The following PCNX1 variants were observed in gnomAD, a reference collection of about 807,000 sequenced individuals.
PCNX1 encodes the protein pecanex-like protein 1.
PCNX1 carries 78 observed loss-of-function variants against 242.2 expected under a neutral mutation model. The observed-to-expected ratio is 0.32, with a 90% CI of 0.27 to 0.39. The LOEUF (loss-of-function observed/expected upper bound fraction) is 0.39. PCNX1 is among the 10% of genes least tolerant of loss of function. PCNX1 has a pLI of 1.00. For synonymous variants in PCNX1, 1,024 were observed against 1,032.9 expected (o/e 0.99, Z 0.17); for missense variants, 2,581 against 2,856.5 (o/e 0.90, Z 2.20).
intron 6 of PCNX1, among the ~76,000 whole-genome samples, chr14:70,981,733 A>G (rs942829035): frequency 6.6e-6 from 1 of 152,244 alleles, no homozygotes; most frequent in Non-Finnish European, 1.5e-5. Flanking sequence ...TAGAAGCTAT[A>G]TGGTAGAAAA....
Position 71,102,139 on chromosome 14 carries a change from G to A in PCNX1, c.5739G>A (p.Leu1913=). ...CCAACTCTCCCTCCTTGCTTGCTCT[G>A]CGGCATGTCATGGATGATGGCACCA... ...VLANSPSLLA[L]RHVMDDGTNE... is the part of the protein sequence containing the mutation. Residue 1913 remains leucine, a synonymous_variant, in exon 31 of 36, where the codon CTG becomes CTA. Transcript: ENST00000304743. 6.2e-7 allele frequency: 1 copy of A among 1,614,048 alleles called. No homozygotes were observed. The highest frequency in any genetic ancestry group is 1.3e-5 in the African/African-American group (1 of 74,994).
intron 6 of PCNX1, among the ~76,000 whole-genome samples, chr14:70,980,922 C>T (rs372675059): frequency 1.5e-4 from 23 of 151,986 alleles, no homozygotes; most frequent in African/African-American, 3.9e-4. Context: ...AGTTCTCCAA[C>T]GATTTCTTTT....
At chr14:71,066,760 CTTA>C (rs2061457631) in intron 26 of PCNX1, among the ~76,000 whole-genome samples, 4 of 152,060 alleles carry the variant, frequency 2.6e-5, no homozygotes, top group Non-Finnish European at 5.9e-5. Flanking sequence ...ATAAATAGCT[CTTA>C]TTATTTTGAG....
At chr14:71,102,847 TATA>T (rs2062499995) in intron 31 of PCNX1, among the ~76,000 whole-genome samples, 1 of 152,212 alleles carries the variant, frequency 6.6e-6, no homozygotes, top group Admixed American at 6.5e-5. Context: ...ATATTGCTAA[TATA>T]ATATGATTCT....
At chr14:71,098,102 A>G (rs1191435282) in intron 30 of PCNX1, among the ~76,000 whole-genome samples, 1 of 152,130 alleles carries the variant, frequency 6.6e-6, no homozygotes, top group Non-Finnish European at 1.5e-5. Flanking sequence ...CTGTAGGTGT[A>G]CAGCTTTATT....
At chr14:71,068,428 GTATATATGTA>G (rs2061504015) in intron 26 of PCNX1, among the ~76,000 whole-genome samples, 1 of 144,396 alleles carries the variant, frequency 6.9e-6, no homozygotes, top group Non-Finnish European at 1.6e-5. Context: ...ATATGTATAT[GTATATATGTA>G]TGTATATGTA....
At chr14:70,916,877 ACTT>A (rs1218201261) in intron 1 of PCNX1, among the ~76,000 whole-genome samples, 1 of 152,128 alleles carries the variant, frequency 6.6e-6, no homozygotes, top group Non-Finnish European at 1.5e-5. Context: ...CCACAGTAAA[ACTT>A]CTTTCAAAAT....
At chr14:70,925,508 C>G (rs950360526) in intron 1 of PCNX1, among the ~76,000 whole-genome samples, 6 of 150,708 alleles carry the variant, frequency 4.0e-5, no homozygotes, top group African/African-American at 1.5e-4. Flanking sequence ...TCCGGTCATT[C>G]ACTATCAGAC....
At chr14:71,088,484 A>G (rs2062049049) in intron 29 of PCNX1, 54 bp downstream of exon 29, 2 of 1,022,690 alleles carry the variant, frequency 2.0e-6, no homozygotes, top group Admixed American at 3.7e-5. Flanking sequence ...TGTATAGCCT[A>G]AATCTAAAAT....
Position 70,927,583 on chromosome 14 carries a change from T to G in PCNX1, c.154-19332T>G, listed in dbSNP as rs985575854. 5.9e-5 allele frequency among the ~76,000 whole-genome samples: 9 copies of G among 151,988 alleles called. No homozygotes were observed. In the South Asian group the frequency reaches 1.5e-3, roughly 25 times the overall value. The stretch of plus-strand genomic sequence containing the variant: ...TTTCATTCTCTCTCTTTTATTTATT[T>G]ATTTATTTATTTATTTTTTTCTGGG... On this transcript the variant is annotated intron_variant, in intron 1 of 35. Coordinates refer to ENST00000304743, the MANE Select transcript of PCNX1 (RefSeq NM_014982.3).
intron 30 of PCNX1, 117 bp downstream of exon 30, chr14:71,089,459 A>C: frequency 1.3e-6 from 1 of 757,922 alleles, no homozygotes; most frequent in Non-Finnish European, 2.0e-6. Flanking sequence ...TGGGTAATTT[A>C]TAAAGGAAAG....
intron 7 of PCNX1, among the ~76,000 whole-genome samples, chr14:70,994,396 G>GAGATATATATAT (rs1555357307): frequency 2.1e-5 from 2 of 96,970 alleles, no homozygotes; most frequent in African/African-American, 7.7e-5. Context: ...ACAGGCTTAA[G>GAGATATATATAT]ATATATATAT....
At chr14:71,109,335 TCCA>T in intron 34 of PCNX1, 114 bp from the exon 35 acceptor site, 1 of 969,672 alleles carries the variant, frequency 1.0e-6, no homozygotes, top group Non-Finnish European at 1.5e-6. Context: ...TTTTTTTTAT[TCCA>T]TTATAGGAAT....
chr14:70,964,415 A>G (rs770444146), intron 3 of PCNX1, among the ~76,000 whole-genome samples: 4 of 152,280 alleles, frequency 2.6e-5, no homozygotes, highest in African/African-American at 9.6e-5. Flanking sequence ...GTTTGAAGAC[A>G]AGGGTTACTA....
intron 8 of PCNX1, among the ~76,000 whole-genome samples, chr14:71,003,252 T>G (rs1669231375): frequency 6.6e-6 from 1 of 151,800 alleles, no homozygotes; most frequent in South Asian, 2.1e-4. Context: ...CCCAGCTATT[T>G]TTTTATTTTT....
intron 15 of PCNX1, among the ~76,000 whole-genome samples, chr14:71,027,940 ATAATT>A (rs1234705616): frequency 6.6e-6 from 1 of 151,918 alleles, no homozygotes; most frequent in Non-Finnish European, 1.5e-5. Flanking sequence ...TTGTCATACT[ATAATT>A]TACAAACTTA....
At chr14:71,041,698 T>C (rs552830512) in intron 19 of PCNX1, among the ~76,000 whole-genome samples, 1 of 152,160 alleles carries the variant, frequency 6.6e-6, no homozygotes, top group African/African-American at 2.4e-5. Context: ...TTATTTCTGC[T>C]CTTACCTTTC....
chr14:70,953,270 C>T (rs1163359441), intron 2 of PCNX1, among the ~76,000 whole-genome samples: 2 of 152,056 alleles, frequency 1.3e-5, no homozygotes, highest in Admixed American at 6.6e-5. Context: ...CAGAGCAAGA[C>T]CCTGTCTTGA....
chr14:71,114,952 G>A lies in PCNX1; in HGVS notation c.*5017G>A, dbSNP rs533236283. ...ACCAAAATAATAGAAATGGGGGGGG[G>A]GGGGGGAATCATGTCTGCTTATGCT... On this transcript the variant is annotated 3_prime_UTR_variant, in exon 36 of 36. Transcript: ENST00000304743. 1.5e-5 allele frequency: 2 copies of A among 136,676 alleles called. No homozygotes were observed. Among genetic ancestry groups the A allele is most frequent in the South Asian group, 2.9e-4 (1 of 3,454 alleles). 8.5% of individuals were successfully genotyped at this position (136,676 alleles called of 1,614,324 possible).
Sources: gnomAD v4.1 joint callset for allele counts (sites outside exome capture counted in the v4.1 genomes callset) on GRCh38, gnomAD v4.1.1 for gene constraint, MANE v1.5 for transcripts, NCBI Gene and HGNC (gene_info 2026-07-23, HGNC 2026-07-21) for gene names.